Variants in RBFOX3 observed in about 807,000 individuals in gnomAD.
RBFOX3 encodes RNA binding protein fox-1 homolog 3.
Under a neutral mutation model 48.7 loss-of-function variants are expected in RBFOX3, and 17 were observed. The ratio of observed to expected loss-of-function variants is 0.35; its 90% CI spans 0.24 to 0.52. RBFOX3 has a LOEUF of 0.52. Ranked by LOEUF, RBFOX3 falls within the 20% of genes least tolerant of loss-of-function variation. The pLI is 0.94. For synonymous variants in RBFOX3, 212 were observed against 209.5 expected (o/e 1.01, Z -0.10); for missense variants, 382 against 497.5 (o/e 0.77, Z 2.21).
intron 4 of RBFOX3, among the ~76,000 whole-genome samples, chr17:79,161,476 G>A (rs989280677): frequency 4.6e-5 from 7 of 152,206 alleles, no homozygotes; most frequent in East Asian, 1.9e-4. Context: ...AATACAATGC[G>A]TCTTCCTGCA....
At chr17:79,577,469 G>C (rs1027526650) in intron 1 of RBFOX3, among the ~76,000 whole-genome samples, 1 of 152,208 alleles carries the variant, frequency 6.6e-6, no homozygotes, top group African/African-American at 2.4e-5. Context: ...ATGTCTCTAA[G>C]CTTGATTGTT....
intron 4 of RBFOX3, among the ~76,000 whole-genome samples, chr17:79,118,313 T>G (rs1277830992): frequency 1.3e-5 from 2 of 152,044 alleles, no homozygotes; most frequent in Admixed American, 1.3e-4. Context: ...AGCACACACG[T>G]GTGCATGCGT....
chr17:79,661,557 G>A, the RBFOX3 span, among the ~76,000 whole-genome samples: 1 of 152,198 alleles, frequency 6.6e-6, no homozygotes, highest in Non-Finnish European at 1.5e-5. Flanking sequence ...TGCTGCTGTG[G>A]TCACACTCAT....
At chr17:79,636,872 T>C in the RBFOX3 span, among the ~76,000 whole-genome samples, 2 of 152,170 alleles carry the variant, frequency 1.3e-5, no homozygotes, top group Non-Finnish European at 2.9e-5. Context: ...GTAGAATGTC[T>C]GAGTGGATTT....
chr17:79,422,156 T>C (rs1555722814), intron 2 of RBFOX3, among the ~76,000 whole-genome samples: 1 of 151,946 alleles, frequency 6.6e-6, no homozygotes. Flanking sequence ...GGCCCTCTGA[T>C]GATAGCTGCT....
At chr17:79,655,484 T>A in the RBFOX3 span, among the ~76,000 whole-genome samples, 1 of 152,180 alleles carries the variant, frequency 6.6e-6, no homozygotes, top group Non-Finnish European at 1.5e-5. Context: ...TATCCTAAAT[T>A]CAAAAATTCC....
chr17:79,353,741 G>A (rs931978675), intron 2 of RBFOX3, among the ~76,000 whole-genome samples: 3 of 152,288 alleles, frequency 2.0e-5, no homozygotes, highest in East Asian at 1.9e-4. Context: ...GTGCACCACC[G>A]AGGCTTAGCC....
intron 4 of RBFOX3, among the ~76,000 whole-genome samples, chr17:79,179,189 AAGAG>A (rs541264525): frequency 6.6e-6 from 1 of 152,186 alleles, no homozygotes. Context: ...CCTTAGAGGG[AAGAG>A]AGAATGATTA....
intron 2 of RBFOX3, among the ~76,000 whole-genome samples, chr17:79,468,723 T>C (rs62062816): frequency 0.035 from 5,262 of 149,428 alleles, 136 homozygotes; most frequent in South Asian, 0.056. Context: ...GATGCATAGA[T>C]AGATAGCAGA....
the RBFOX3 span, among the ~76,000 whole-genome samples, chr17:79,651,749 C>CTT: frequency 3.6e-5 from 1 of 27,540 alleles, no homozygotes; most frequent in East Asian, 1.2e-3. Context: ...CTCTCTCTGC[C>CTT]TTTCTCTCTG....
intron 4 of RBFOX3, among the ~76,000 whole-genome samples, chr17:79,156,668 C>T (rs757386272): frequency 1.4e-4 from 22 of 152,336 alleles, no homozygotes; most frequent in Admixed American, 5.2e-4. Context: ...ATATTGTCTC[C>T]GGCTGTGCTC....
intron 2 of RBFOX3, among the ~76,000 whole-genome samples, chr17:79,387,935 T>C (rs548322810): frequency 2.6e-5 from 4 of 152,122 alleles, no homozygotes; most frequent in African/African-American, 9.7e-5. Context: ...TGCGTGTGCA[T>C]GTGTACATGT....
intron 2 of RBFOX3, among the ~76,000 whole-genome samples, chr17:79,450,667 G>T (rs1046173289): frequency 1.3e-5 from 2 of 152,076 alleles, no homozygotes; most frequent in African/African-American, 4.8e-5. Context: ...ACCTGTATAT[G>T]GGCCTAAGGA....
In RBFOX3 at chr17:79,286,178, C is replaced by T. The variant is rs553705038; in HGVS notation, c.-74+21546G>A. Among the ~76,000 whole-genome samples, 19 of 152,322 alleles carry T rather than the reference C, an allele frequency of 1.2e-4. No individual in the cohort carries two copies. The East Asian group carries it at 1.9e-3, about 15-fold the overall frequency. ...CCGAGCCCTTGTGAGGACCCTCTGA[C>T]GTCATGTGGCTGCCTTGATTGGCAT... On this transcript the variant is annotated intron_variant, in intron 3 of 14. Transcript: ENST00000693108.
At chr17:79,632,650 T>C in the RBFOX3 span, among the ~76,000 whole-genome samples, 3 of 150,368 alleles carry the variant, frequency 2.0e-5, no homozygotes, top group African/African-American at 4.9e-5. Flanking sequence ...ACACCTGTAA[T>C]CCCAGCACTT....
At chr17:79,454,617 C>T (rs1009600495) in intron 2 of RBFOX3, among the ~76,000 whole-genome samples, 11 of 152,186 alleles carry the variant, frequency 7.2e-5, no homozygotes, top group Admixed American at 3.3e-4. Flanking sequence ...TCATACCGTC[C>T]GGCCCTGTGC....
intron 2 of RBFOX3, among the ~76,000 whole-genome samples, chr17:79,332,276 G>T (rs545655306): frequency 6.6e-6 from 1 of 152,268 alleles, no homozygotes; most frequent in South Asian, 2.1e-4. Context: ...GGAGGGGAAG[G>T]GACCATTTGT....
chr17:79,280,678 T>C (rs987967615), intron 3 of RBFOX3, among the ~76,000 whole-genome samples: 1 of 152,238 alleles, frequency 6.6e-6, no homozygotes, highest in Non-Finnish European at 1.5e-5. Flanking sequence ...GTCACAGTCA[T>C]GTAGACGGGC....
chr17:79,477,201 C>G lies in RBFOX3; in HGVS notation c.-175+5253G>C, dbSNP rs1289495005. ...TGAGCTGAGATCGCGCCACTGCACT[C>G]CAGCCTGGGTGAAAGAGCAAGGCTC... On this transcript the variant is annotated intron_variant, in intron 2 of 14. Coordinates refer to ENST00000693108, the MANE Select transcript of RBFOX3 (RefSeq NM_001350451.2). The surrounding 1 kb of genome is among the most constrained non-coding windows in gnomAD (Gnocchi z 4.8). Among the ~76,000 whole-genome samples, 1 of 147,634 alleles carries G rather than the reference C, an allele frequency of 6.8e-6. No individual in the cohort carries two copies. The highest frequency in any genetic ancestry group is 1.5e-5 in the Non-Finnish European group (1 of 67,354).
Sources: allele counts gnomAD v4.1 joint callset (sites outside exome capture counted in the v4.1 genomes callset), GRCh38; gene constraint gnomAD v4.1.1; non-coding constraint Gnocchi (gnomAD v3.1); transcripts MANE v1.5; gene names NCBI Gene and HGNC (gene_info 2026-07-23, HGNC 2026-07-21).